Variants in XKR4 observed in about 807,000 individuals in gnomAD.
The protein encoded by XKR4 is XK-related protein 4.
XKR4 carries 12 observed loss-of-function variants against 53.9 expected under a neutral mutation model. That is an observed-to-expected ratio of 0.22 (90% CI 0.14 to 0.36). XKR4 has a LOEUF of 0.36. Ranked by LOEUF, XKR4 falls within the 10% of genes least tolerant of loss-of-function variation. XKR4 has a pLI of 1.00. For synonymous variants in XKR4, 354 were observed against 362.4 expected (o/e 0.98, Z 0.26); for missense variants, 799 against 859.5 (o/e 0.93, Z 0.88).
intron 1 of XKR4, among the ~76,000 whole-genome samples, chr8:55,242,829 G>T (rs889957544): frequency 6.6e-6 from 1 of 152,104 alleles, no homozygotes; most frequent in African/African-American, 2.4e-5. Flanking sequence ...TCTACAGAGA[G>T]CTGTCTGTTA....
intron 2 of XKR4, among the ~76,000 whole-genome samples, chr8:55,465,697 G>T (rs1025928223): frequency 1.2e-4 from 18 of 152,134 alleles, no homozygotes; most frequent in Admixed American, 9.8e-4. Flanking sequence ...GAGTGAACAG[G>T]CAACCTACAG....
chr8:55,342,688 T>C (rs1010937322), intron 1 of XKR4, among the ~76,000 whole-genome samples: 1 of 152,160 alleles, frequency 6.6e-6, no homozygotes, highest in Non-Finnish European at 1.5e-5. Flanking sequence ...CGAAGAGGGC[T>C]TGCTTCCTCT....
intron 2 of XKR4, among the ~76,000 whole-genome samples, chr8:55,460,728 T>C (rs1805642981): frequency 6.6e-6 from 1 of 152,274 alleles, no homozygotes; most frequent in East Asian, 1.9e-4. Context: ...TTCCCTTTCC[T>C]AGTCAAAGAA....
intron 1 of XKR4, among the ~76,000 whole-genome samples, chr8:55,139,673 GTT>G (rs11354906): frequency 3.3e-5 from 5 of 149,896 alleles, no homozygotes; most frequent in African/African-American, 1.2e-4. Context: ...AATAGTAGCT[GTT>G]TTTTTTTTTA....
chr8:55,125,656 A>G (rs1816456566), intron 1 of XKR4, among the ~76,000 whole-genome samples: 1 of 152,238 alleles, frequency 6.6e-6, no homozygotes, highest in African/African-American at 2.4e-5. Context: ...TATTTGCAAT[A>G]TATTAAACAC....
intron 1 of XKR4, among the ~76,000 whole-genome samples, chr8:55,220,851 G>C (rs766550918): frequency 7.9e-5 from 12 of 152,142 alleles, no homozygotes; most frequent in Non-Finnish European, 1.6e-4. Flanking sequence ...TTTTAAATGA[G>C]GACATTAATA....
At chr8:55,304,244 A>G (rs543378256) in intron 1 of XKR4, among the ~76,000 whole-genome samples, 1 of 152,178 alleles carries the variant, frequency 6.6e-6, no homozygotes, top group East Asian at 1.9e-4. Flanking sequence ...TTCTGCCTTC[A>G]TTTCGTTATG....
chr8:55,523,007 T>C (rs1309151967), intron 2 of XKR4, among the ~76,000 whole-genome samples: 1 of 151,866 alleles, frequency 6.6e-6, no homozygotes, highest in Non-Finnish European at 1.5e-5. Flanking sequence ...CCAGGCATGG[T>C]AGTGGGCGCC....
chr8:55,214,421 A>G (rs375351499), intron 1 of XKR4, among the ~76,000 whole-genome samples: 32 of 152,148 alleles, frequency 2.1e-4, no homozygotes, highest in African/African-American at 7.0e-4. Flanking sequence ...TTTTTACATA[A>G]TTCTTAGCTC....
intron 1 of XKR4, among the ~76,000 whole-genome samples, chr8:55,331,330 T>G (rs1803381742): frequency 6.6e-6 from 1 of 152,240 alleles, no homozygotes; most frequent in African/African-American, 2.4e-5. Context: ...TTGTATAATT[T>G]CAGTCCTTTT....
chr8:55,493,299 A>G (rs939311623), intron 2 of XKR4, among the ~76,000 whole-genome samples: 3 of 152,184 alleles, frequency 2.0e-5, no homozygotes, highest in African/African-American at 7.2e-5. Context: ...CTTCCCTGAT[A>G]CAGCATGTGA....
chr8:55,272,176 T>C (rs1685012580), intron 1 of XKR4, among the ~76,000 whole-genome samples: 1 of 152,192 alleles, frequency 6.6e-6, no homozygotes, highest in South Asian at 2.1e-4. Flanking sequence ...GACAAGCAAC[T>C]ACTGAAGTGG....
intron 2 of XKR4, among the ~76,000 whole-genome samples, chr8:55,410,542 G>A (rs527436831): frequency 6.6e-6 from 1 of 152,156 alleles, no homozygotes; most frequent in Non-Finnish European, 1.5e-5. Flanking sequence ...AGACACCCAG[G>A]CTAGTAACCA....
intron 2 of XKR4, among the ~76,000 whole-genome samples, chr8:55,393,453 A>T (rs1270044034): frequency 1.3e-5 from 2 of 151,534 alleles, no homozygotes. Flanking sequence ...GAAGGAAGGA[A>T]GGAAGAAAGG....
chr8:55,174,805 G>A (rs941770477), intron 1 of XKR4, among the ~76,000 whole-genome samples: 31 of 152,176 alleles, frequency 2.0e-4, no homozygotes, highest in African/African-American at 7.0e-4. Context: ...GAGGCTTAAG[G>A]TGGGACTGAT....
intron 1 of XKR4, among the ~76,000 whole-genome samples, chr8:55,165,578 C>T (rs369478642): frequency 3.3e-4 from 50 of 151,942 alleles, no homozygotes; most frequent in East Asian, 1.4e-3. Context: ...TCAACATCAG[C>T]GAAGAGGGGT....
intron 1 of XKR4, among the ~76,000 whole-genome samples, chr8:55,110,824 A>G (rs1816221066): frequency 1.3e-5 from 2 of 152,294 alleles, no homozygotes; most frequent in South Asian, 4.1e-4. Flanking sequence ...CAGTCTACTC[A>G]AAACGTTTGC....
chr8:55,323,733 T>A (rs1415815450), intron 1 of XKR4, among the ~76,000 whole-genome samples: 1 of 152,248 alleles, frequency 6.6e-6, no homozygotes, highest in Non-Finnish European at 1.5e-5. Flanking sequence ...AGTATGAGAC[T>A]GTGGAACATT....
chr8:55,229,164 T>C (rs1383830808), intron 1 of XKR4, among the ~76,000 whole-genome samples: 3 of 152,198 alleles, frequency 2.0e-5, no homozygotes, highest in African/African-American at 7.2e-5. Flanking sequence ...AAATCCATCC[T>C]GTTTGTAAGG....
Sources: gnomAD v4.1 joint callset for allele counts (sites outside exome capture counted in the v4.1 genomes callset) on GRCh38, gnomAD v4.1.1 for gene constraint, MANE v1.5 for transcripts, NCBI Gene and HGNC (gene_info 2026-07-23, HGNC 2026-07-21) for gene names.